Variants in TWIST2 observed in about 807,000 individuals in gnomAD.
TWIST2 encodes the protein twist-related protein 2.
In TWIST2, 1 loss-of-function variant was observed where a neutral mutation model predicts 11.6. The observed-to-expected ratio is 0.09, with a 90% CI of 0.03 to 0.41. TWIST2 has a LOEUF of 0.41. Among genes scored for constraint, TWIST2 ranks in the 10% least tolerant of loss-of-function variants. The pLI is 0.98. For synonymous variants in TWIST2, 87 were observed against 96.6 expected (o/e 0.90, Z 0.58); for missense variants, 168 against 226.4 (o/e 0.74, Z 1.66).
chr2:238,882,008 G>T (rs948559716), intron 1 of TWIST2, among the ~76,000 whole-genome samples: 1 of 151,932 alleles, frequency 6.6e-6, no homozygotes, highest in East Asian at 1.9e-4. Context: ...GTGTCTCTCT[G>T]TGTGTCTGTC....
At chr2:238,885,013 A>G (rs543176353) in intron 1 of TWIST2, among the ~76,000 whole-genome samples, 2 of 152,334 alleles carry the variant, frequency 1.3e-5, no homozygotes, top group African/African-American at 4.8e-5. Flanking sequence ...TCGTGGAGAC[A>G]CGTTTCTCCT....
At chr2:238,892,028 C>T (rs566075546) in intron 1 of TWIST2, among the ~76,000 whole-genome samples, 1 of 152,302 alleles carries the variant, frequency 6.6e-6, no homozygotes, top group South Asian at 2.1e-4. Flanking sequence ...CATGTGCTTG[C>T]CGCTGAGCCA....
intron 1 of TWIST2, among the ~76,000 whole-genome samples, chr2:238,880,299 T>G (rs377360271): frequency 1.6e-5 from 2 of 122,524 alleles, no homozygotes; most frequent in African/African-American, 6.8e-5. Context: ...GTTAGTGTTA[T>G]TGTTAGTGTT....
Position 238,848,377 on chromosome 2 carries a change from C to A in TWIST2, c.162C>A (p.Gly54=). The change falls in exon 1 of 2, where the codon GGC becomes GGA. Residue 54 remains glycine, a synonymous_variant. Transcript: ENST00000612363. The part of the protein sequence containing the change: ...SPTPGKRGKK[G]SPSAQSFEEL... ...CCCCGGGCAAGCGCGGCAAGAAGGG[C>A]AGCCCCAGCGCGCAGTCCTTCGAGG... The A allele has an allele frequency of 1.3e-6, 2 of 1,535,002 alleles. No homozygotes were observed. The highest frequency in any genetic ancestry group is 1.2e-5 in the South Asian group (1 of 84,022).
intron 1 of TWIST2, among the ~76,000 whole-genome samples, chr2:238,849,371 C>T (rs1371325078): frequency 1.3e-5 from 2 of 152,190 alleles, no homozygotes; most frequent in African/African-American, 2.4e-5. Context: ...CCCTGCGCTT[C>T]GGGGCCAGAG....
intron 1 of TWIST2, among the ~76,000 whole-genome samples, chr2:238,895,922 C>A (rs994297331): frequency 1.6e-4 from 24 of 152,314 alleles, no homozygotes; most frequent in African/African-American, 5.5e-4. Flanking sequence ...CAGGCCATTC[C>A]AAGCACAGTC....
At chr2:238,909,612 G>C (rs1323918849) in intron 1 of TWIST2, among the ~76,000 whole-genome samples, 1 of 152,104 alleles carries the variant, frequency 6.6e-6, no homozygotes, top group African/African-American at 2.4e-5. Flanking sequence ...ACTCGGGGGA[G>C]GGAAAGGGCT....
chr2:238,854,852 C>T (rs1692301574), intron 1 of TWIST2, among the ~76,000 whole-genome samples: 1 of 152,172 alleles, frequency 6.6e-6, no homozygotes, highest in African/African-American at 2.4e-5. Context: ...CTTTCTTTGT[C>T]TGTTCTACTT....
chr2:238,908,611 TGTG>T (rs1257088720), intron 1 of TWIST2, among the ~76,000 whole-genome samples: 2 of 152,324 alleles, frequency 1.3e-5, no homozygotes, highest in Admixed American at 6.5e-5. Flanking sequence ...TGGCATATAA[TGTG>T]GTATATAATA....
At chr2:238,883,882 C>T in intron 1 of TWIST2, among the ~76,000 whole-genome samples, 1 of 152,186 alleles carries the variant, frequency 6.6e-6, no homozygotes, top group East Asian at 1.9e-4. Context: ...TGCAAGGCTT[C>T]AGTAATTCAT....
At position 238,881,144 on chromosome 2, in the gene TWIST2, GTTAGTA is replaced by G. The variant is rs563209452; in HGVS notation, c.*36-28686_*36-28681del. On this transcript the variant is annotated intron_variant, in intron 1 of 1. Transcript: ENST00000612363. The stretch of plus-strand genomic sequence containing the variant: ...AGTATTTATTAGTATTAGTATTACT[GTTAGTA>G]TTAGTATTAGTGTTATGTTAGTATT... 7.6e-5 allele frequency among the ~76,000 whole-genome samples: 8 copies of G among 105,886 alleles called. No homozygotes were observed. The East Asian group carries it at 1.1e-3, about 14-fold the overall frequency. 69.5% of individuals were successfully genotyped at this position (105,886 alleles called of 152,430 possible).
chr2:238,872,866 C>A (rs1301434225), intron 1 of TWIST2, among the ~76,000 whole-genome samples: 1 of 152,208 alleles, frequency 6.6e-6, no homozygotes, highest in Non-Finnish European at 1.5e-5. Context: ...TCATGTGGGG[C>A]AGCTGCAGGG....
intron 1 of TWIST2, among the ~76,000 whole-genome samples, chr2:238,895,689 G>A (rs1693198110): frequency 6.6e-6 from 1 of 152,170 alleles, no homozygotes; most frequent in Non-Finnish European, 1.5e-5. Context: ...AGAGGAAGAG[G>A]GTGGGGTAGA....
chr2:238,904,797 G>A (rs955926806), intron 1 of TWIST2, among the ~76,000 whole-genome samples: 2,896 of 152,118 alleles, frequency 0.019, 84 homozygotes, highest in African/African-American at 0.067. Context: ...AAGAAAGAAG[G>A]GAGGAAGGGG....
In TWIST2 at chr2:238,866,327, G is replaced by A. The variant is rs143641163; in HGVS notation, c.*35+17594G>A. On this transcript the variant is annotated intron_variant, in intron 1 of 1. Coordinates refer to ENST00000612363, the MANE Select transcript of TWIST2 (RefSeq NM_001271893.4). The surrounding 1 kb of genome is among the most constrained non-coding windows in gnomAD (Gnocchi z 4.9). ...GGAGCAGTTGCCAGTAAGAACAGGG[G>A]TGAGGAGATGAGCAAACCCACATGC... is the stretch of plus-strand genomic sequence containing the variant. Among the ~76,000 whole-genome samples the A allele has an allele frequency of 0.024, 3,669 of 152,282 alleles. 170 individuals are homozygous for A. Among genetic ancestry groups the A allele is most frequent in the African/African-American group, 0.083 (3,434 of 41,528 alleles).
intron 1 of TWIST2, among the ~76,000 whole-genome samples, chr2:238,877,480 G>T (rs1692827789): frequency 6.6e-6 from 1 of 152,092 alleles, no homozygotes; most frequent in Admixed American, 6.6e-5. Context: ...TTAGACTGAA[G>T]GCAATTGCTA....
intron 1 of TWIST2, among the ~76,000 whole-genome samples, chr2:238,904,463 G>A (rs1693317845): frequency 6.6e-6 from 1 of 151,304 alleles, no homozygotes; most frequent in Non-Finnish European, 1.5e-5. Flanking sequence ...TGGGATGGGT[G>A]TGTGTGTGTC....
chr2:238,895,089 T>G (rs1693191850), intron 1 of TWIST2, among the ~76,000 whole-genome samples: 1 of 152,218 alleles, frequency 6.6e-6, no homozygotes, highest in African/African-American at 2.4e-5. Context: ...ATATTTTCGT[T>G]CGCTGCTGCT....
chr2:238,854,243 T>TA (rs940330653), intron 1 of TWIST2, among the ~76,000 whole-genome samples: 9 of 152,154 alleles, frequency 5.9e-5, no homozygotes, highest in Non-Finnish European at 7.4e-5. Context: ...CATTCTGCCT[T>TA]AAAAAAATAG....
Sources: allele counts gnomAD v4.1 joint callset (sites outside exome capture counted in the v4.1 genomes callset), GRCh38; gene constraint gnomAD v4.1.1; non-coding constraint Gnocchi (gnomAD v3.1); transcripts MANE v1.5; gene names NCBI Gene and HGNC (gene_info 2026-07-23, HGNC 2026-07-21).